CNTNAP5: variants seen among roughly 807,000 people sequenced by gnomAD.
CNTNAP5 encodes the protein contactin associated protein family member 5.
Under a neutral mutation model 150.2 loss-of-function variants are expected in CNTNAP5, and 72 were observed. The ratio of observed to expected loss-of-function variants is 0.48; its 90% confidence interval spans 0.40 to 0.58. The LOEUF is 0.58. CNTNAP5 is among the 20% of genes least tolerant of loss of function. The pLI is 0.00. For missense variants in CNTNAP5, 1,636 were observed against 1,626.2 expected (o/e 1.01, Z -0.10); for synonymous variants, 672 against 619.8 (o/e 1.08, Z -1.25).
chr2:124,826,049 A>T (rs1682585877), intron 19 of CNTNAP5, among the ~76,000 whole-genome samples: 1 of 152,176 alleles, frequency 6.6e-6, no homozygotes, highest in Non-Finnish European at 1.5e-5. Flanking sequence ...TTTTTTATAT[A>T]ACAAACATAA....
intron 21 of CNTNAP5, among the ~76,000 whole-genome samples, chr2:124,880,790 T>C (rs778700347): frequency 1.3e-5 from 2 of 152,274 alleles, no homozygotes; most frequent in South Asian, 4.1e-4. Flanking sequence ...TAAATAGTTT[T>C]GATAAGTGCT....
chr2:124,274,673 C>T (rs1687843304), intron 3 of CNTNAP5, among the ~76,000 whole-genome samples: 2 of 152,154 alleles, frequency 1.3e-5, no homozygotes, highest in African/African-American at 4.8e-5. Context: ...TGTCTTCATA[C>T]AACCCACGTA....
intron 1 of CNTNAP5, among the ~76,000 whole-genome samples, chr2:124,069,266 G>C (rs1443083358): frequency 6.6e-6 from 1 of 152,184 alleles, no homozygotes; most frequent in Non-Finnish European, 1.5e-5. Flanking sequence ...TGTGGAAGGG[G>C]GAAGGAAGAG....
In CNTNAP5 at chr2:124,546,236, A is replaced by G. The variant is rs141271974; in HGVS notation, c.1650-16981A>G. Among the ~76,000 whole-genome samples the G allele has an allele frequency of 3.2e-4, 48 of 152,278 alleles. No individual in the cohort carries two copies. In the East Asian group the frequency reaches 8.5e-3, roughly 27 times the overall value. On this transcript the variant is annotated intron_variant, in intron 10 of 23. Transcript: ENST00000682447. ...GGCTCATCTAAATTTTTTCCTGCAC[A>G]GTGGGGAGCTATACTTCCAGTTCTG...
intron 11 of CNTNAP5, among the ~76,000 whole-genome samples, chr2:124,589,885 G>A (rs1301501931): frequency 6.6e-6 from 1 of 152,168 alleles, no homozygotes. Flanking sequence ...TGGTTTGAAT[G>A]TGTTCCCCAA....
chr2:124,382,327 T>C (rs1377694865), intron 3 of CNTNAP5, among the ~76,000 whole-genome samples: 1 of 152,060 alleles, frequency 6.6e-6, no homozygotes, highest in East Asian at 1.9e-4. Flanking sequence ...TGTTATGTTC[T>C]AAAAATATGA....
At chr2:124,679,629 G>A (rs1278849777) in intron 13 of CNTNAP5, among the ~76,000 whole-genome samples, 1 of 151,326 alleles carries the variant, frequency 6.6e-6, no homozygotes, top group Non-Finnish European at 1.5e-5. Flanking sequence ...AGGTTGGAGT[G>A]CAGTGATGCA....
At chr2:124,677,127 G>A (rs1265225367) in intron 13 of CNTNAP5, among the ~76,000 whole-genome samples, 1 of 152,170 alleles carries the variant, frequency 6.6e-6, no homozygotes, top group Non-Finnish European at 1.5e-5. Context: ...CGTTCCTTCA[G>A]ATGTTCAGAT....
intron 3 of CNTNAP5, among the ~76,000 whole-genome samples, chr2:124,307,174 A>G (rs1392247726): frequency 6.6e-6 from 1 of 152,184 alleles, no homozygotes; most frequent in East Asian, 1.9e-4. Context: ...TCAGGGTGCC[A>G]GAATGATTGG....
chr2:124,245,423 A>G (rs1433215326), intron 3 of CNTNAP5, among the ~76,000 whole-genome samples: 1 of 152,102 alleles, frequency 6.6e-6, no homozygotes, highest in Non-Finnish European at 1.5e-5. Flanking sequence ...ACCAAAACTA[A>G]GCCTTATAAC....
Position 124,133,963 on chromosome 2 carries a change from C to T in CNTNAP5, c.83-87742C>T, listed in dbSNP as rs1452188424. Reference sequence around the variant, plus strand: ...CAGTGTGTCTACCACTTCTGTGAAGCAGCTGTGGTCTGATGGAAGTTGAAG... The same window carrying T: ...CAGTGTGTCTACCACTTCTGTGAAGTAGCTGTGGTCTGATGGAAGTTGAAG... On this transcript the variant is annotated intron_variant, in intron 1 of 23. Transcript: ENST00000682447. Among the ~76,000 whole-genome samples, 3 of 152,226 alleles carry T rather than the reference C, an allele frequency of 2.0e-5. No homozygotes were observed. In the East Asian group the frequency reaches 5.8e-4, roughly 29 times the overall value.
chr2:124,466,734 G>A (rs574597010), intron 6 of CNTNAP5, among the ~76,000 whole-genome samples: 2 of 152,266 alleles, frequency 1.3e-5, no homozygotes, highest in East Asian at 3.9e-4. Flanking sequence ...GAATGGATGA[G>A]CACATTACCT....
chr2:124,419,161 A>AAAC (rs1692016917), intron 4 of CNTNAP5, among the ~76,000 whole-genome samples: 2 of 147,680 alleles, frequency 1.4e-5, no homozygotes, highest in East Asian at 2.0e-4. Context: ...AAAAAAAAAA[A>AAAC]AACAGTATGA....
intron 11 of CNTNAP5, among the ~76,000 whole-genome samples, chr2:124,607,023 G>A (rs1030214788): frequency 1.3e-5 from 2 of 152,194 alleles, no homozygotes; most frequent in East Asian, 1.9e-4. Context: ...TGTGCCATAT[G>A]TGGATTGTGT....
intron 12 of CNTNAP5, among the ~76,000 whole-genome samples, chr2:124,643,412 C>T (rs1295118761): frequency 1.3e-5 from 2 of 151,512 alleles, no homozygotes; most frequent in Non-Finnish European, 1.5e-5. Context: ...TACTAAAGAG[C>T]AAATTATCTT....
chr2:124,842,862 T>C (rs966094983), intron 19 of CNTNAP5, among the ~76,000 whole-genome samples: 5 of 152,248 alleles, frequency 3.3e-5, no homozygotes, highest in South Asian at 4.1e-4. Context: ...TACTGCCTCA[T>C]GAGAAATTCT....
chr2:124,254,398 G>T (rs1258719686), intron 3 of CNTNAP5, among the ~76,000 whole-genome samples: 1 of 152,188 alleles, frequency 6.6e-6, no homozygotes, highest in Admixed American at 6.5e-5. Flanking sequence ...CTGCTGGTAA[G>T]GGGGGCAGTC....
intron 1 of CNTNAP5, among the ~76,000 whole-genome samples, chr2:124,062,986 A>C (rs190493827): frequency 2.3e-4 from 35 of 152,224 alleles, no homozygotes; most frequent in African/African-American, 7.2e-4. Flanking sequence ...AAATCTTCTA[A>C]TATTAGTGAT....
chr2:124,078,804 G>A (rs1037829282), intron 1 of CNTNAP5, among the ~76,000 whole-genome samples: 1 of 152,158 alleles, frequency 6.6e-6, no homozygotes, highest in Non-Finnish European at 1.5e-5. Flanking sequence ...AAGAGTGTCT[G>A]GAGAGGGATG....
Sources: allele counts gnomAD v4.1 joint callset (sites outside exome capture counted in the v4.1 genomes callset), GRCh38; gene constraint gnomAD v4.1.1; transcripts MANE v1.5; gene names NCBI Gene and HGNC (gene_info 2026-07-23, HGNC 2026-07-21).